Variants in MCF2L2 observed in about 807,000 individuals in gnomAD.
The protein encoded by MCF2L2 is MCF.2 cell line derived transforming sequence-like 2.
MCF2L2 carries 102 observed loss-of-function variants against 150.2 expected under a neutral mutation model. The ratio of observed to expected loss-of-function variants is 0.68; its 90% CI spans 0.58 to 0.80. The LOEUF (loss-of-function observed/expected upper bound fraction) is 0.80. Ranked by LOEUF, MCF2L2 falls within the 30% of genes least tolerant of loss-of-function variation. The pLI is 0.00. For synonymous variants in MCF2L2, 465 were observed against 491.3 expected (o/e 0.95, Z 0.71); for missense variants, 1,256 against 1,372.8 (o/e 0.91, Z 1.34).
intron 3 of MCF2L2, among the ~76,000 whole-genome samples, chr3:183,366,670 C>T (rs1560042757): frequency 6.6e-6 from 1 of 152,080 alleles, no homozygotes; most frequent in Non-Finnish European, 1.5e-5. Context: ...ATTTACCATA[C>T]GTGCTTTTGG....
intron 11 of MCF2L2, chr3:183,299,691 C>A: frequency 3.3e-6 from 1 of 306,930 alleles, no homozygotes; most frequent in Non-Finnish European, 6.0e-6. Context: ...CTCTGTACAC[C>A]TGAAAGGGAA....
chr3:183,367,741 T>C (rs193231861), intron 3 of MCF2L2, among the ~76,000 whole-genome samples: 21 of 152,262 alleles, frequency 1.4e-4, no homozygotes, highest in African/African-American at 5.1e-4. Context: ...AAGTATGTTG[T>C]TTCAATTAGA....
chr3:183,341,759 C>T (rs1047611540), intron 3 of MCF2L2, 129 bp from the exon 4 acceptor site: 13 of 637,680 alleles, frequency 2.0e-5, no homozygotes, highest in Non-Finnish European at 3.7e-5. Flanking sequence ...CTGCACAGCA[C>T]AACCAACTCC....
At chr3:183,289,348 C>T (rs573351401) in intron 13 of MCF2L2, 128 bp from the exon 14 acceptor site, 342 of 624,416 alleles carry the variant, frequency 5.5e-4, no homozygotes, top group Middle Eastern at 3.7e-3. Flanking sequence ...TGAGCTGCTG[C>T]GTTGATTTCC....
At chr3:183,421,259 C>G (rs1715868858) in intron 1 of MCF2L2, among the ~76,000 whole-genome samples, 1 of 152,096 alleles carries the variant, frequency 6.6e-6, no homozygotes, top group South Asian at 2.1e-4. Flanking sequence ...GATACTTTTT[C>G]TGCTCCTCCT....
chr3:183,327,246 A>C (rs1336192774), intron 5 of MCF2L2, among the ~76,000 whole-genome samples: 5 of 152,022 alleles, frequency 3.3e-5, no homozygotes, highest in Non-Finnish European at 7.4e-5. Context: ...AATCGCTTGA[A>C]CCTGGGAGGC....
At chr3:183,216,578 ATATTTTTTTTTTTTTTTTTTTTTTTT>A (rs1379847964) in intron 21 of MCF2L2, among the ~76,000 whole-genome samples, 307 of 6,764 alleles carry the variant, frequency 0.045, 2 homozygotes, top group South Asian at 0.15. Context: ...ATATATATAT[ATATTTTTTTTTTTTTTTTTTTTTTTT>A]TTTTTTTTTT....
In MCF2L2 at chr3:183,311,634, C is replaced by G. The variant is rs374445234; in HGVS notation, c.878+14G>C. The stretch of plus-strand genomic sequence containing the variant: ...TTCTCTCCTGAAAAGGCTGATTCCA[C>G]TTCACTCACTCACCTTTCCATGGTA... On this transcript the variant is annotated intron_variant, in intron 8 of 29. Transcript: ENST00000328913. 4.3e-6 allele frequency: 7 copies of G among 1,613,502 alleles called. No individual in the cohort carries two copies. The highest frequency in any genetic ancestry group is 5.9e-6 in the Non-Finnish European group (7 of 1,179,834).
At chr3:183,367,936 C>T (rs1357208325) in intron 3 of MCF2L2, among the ~76,000 whole-genome samples, 1 of 152,184 alleles carries the variant, frequency 6.6e-6, no homozygotes, top group African/African-American at 2.4e-5. Context: ...TATCATGGAG[C>T]TAACCACCAT....
chr3:183,372,584 C>A (rs1712954653), intron 3 of MCF2L2: 1 of 152,078 alleles, frequency 6.6e-6, no homozygotes, highest in Admixed American at 6.6e-5. Flanking sequence ...CTCAGCTACT[C>A]AGGAGGCTGA....
At chr3:183,393,658 CCAGAAATACAGACGGTAT>C (rs1184238923) in intron 1 of MCF2L2, among the ~76,000 whole-genome samples, 8 of 152,322 alleles carry the variant, frequency 5.3e-5, no homozygotes, top group African/African-American at 1.9e-4. Context: ...GCCCACAGTT[CCAGAAATACAGACGGTAT>C]CAAAGGCCAA....
chr3:183,219,865 G>A lies in MCF2L2; in HGVS notation c.2361C>T (p.Gly787=). 1 of 1,610,796 alleles carries A rather than the reference G, an allele frequency of 6.2e-7. No homozygotes were observed. Among genetic ancestry groups the A allele is most frequent in the Non-Finnish European group, 8.5e-7 (1 of 1,177,122 alleles). The part of the protein sequence containing the change: ...DMEIDPGELG[G]SAKDGPKRTK... The stretch of plus-strand genomic sequence containing the variant: ...ATTTAATATTGAGTACCTTAGCCGA[G>A]CCTCCTAGTTCACCTGGGTCTATCT... The change falls in exon 21 of 30, where the codon GGC becomes GGT. Residue 787 remains glycine (G), a synonymous_variant. Transcript: ENST00000328913.
intron 2 of MCF2L2, among the ~76,000 whole-genome samples, chr3:183,381,451 C>A (rs1472734965): frequency 6.6e-6 from 1 of 152,168 alleles, no homozygotes; most frequent in Non-Finnish European, 1.5e-5. Context: ...GGTGCTGACT[C>A]CAAGCCTGAT....
At chr3:183,192,650 A>C in intron 27 of MCF2L2, 1 of 197,858 alleles carries the variant, frequency 5.1e-6, no homozygotes. Context: ...AGAATGGCAT[A>C]TCATTTAAAA....
intron 14 of MCF2L2, among the ~76,000 whole-genome samples, chr3:183,279,715 C>T (rs925783161): frequency 2.3e-4 from 35 of 152,216 alleles, no homozygotes; most frequent in African/African-American, 8.4e-4. Context: ...AAAAAGATTG[C>T]TGATCACAGA....
chr3:183,257,477 T>C (rs1372077792), intron 15 of MCF2L2, among the ~76,000 whole-genome samples: 1 of 152,248 alleles, frequency 6.6e-6, no homozygotes, highest in Non-Finnish European at 1.5e-5. Flanking sequence ...ATTAGTTAAA[T>C]ATACGTATTA....
At chr3:183,278,850 C>G (rs1404197758) in intron 14 of MCF2L2, among the ~76,000 whole-genome samples, 4 of 152,086 alleles carry the variant, frequency 2.6e-5, no homozygotes, top group Admixed American at 6.6e-5. Flanking sequence ...TGAGATTTCC[C>G]TAATTTATAG....
chr3:183,418,760 G>A (rs1054180190), intron 1 of MCF2L2, among the ~76,000 whole-genome samples: 6 of 152,230 alleles, frequency 3.9e-5, no homozygotes, highest in Non-Finnish European at 7.3e-5. Context: ...GGCTCCCAAG[G>A]CCTTGGGCAT....
chr3:183,398,497 A>G (rs1226469347), intron 1 of MCF2L2, among the ~76,000 whole-genome samples: 1 of 151,632 alleles, frequency 6.6e-6, no homozygotes, highest in Non-Finnish European at 1.5e-5. Flanking sequence ...ACTTAGAGGA[A>G]TTCATTTTAT....
Sources: gnomAD v4.1 joint callset for allele counts (sites outside exome capture counted in the v4.1 genomes callset) on GRCh38, gnomAD v4.1.1 for gene constraint, MANE v1.5 for transcripts, NCBI Gene and HGNC (gene_info 2026-07-23, HGNC 2026-07-21) for gene names.